CTTNBP2: variants seen among roughly 807,000 people sequenced by gnomAD.
CTTNBP2 encodes cortactin-binding protein 2.
Under a neutral mutation model 156.9 loss-of-function variants are expected in CTTNBP2, and 108 were observed. The observed-to-expected ratio is 0.69, with a 90% CI of 0.59 to 0.81. The LOEUF (loss-of-function observed/expected upper bound fraction) is 0.81. Among genes scored for constraint, CTTNBP2 ranks in the 30% least tolerant of loss-of-function variants. The pLI is 0.00. For synonymous variants in CTTNBP2, 767 were observed against 751.8 expected (o/e 1.02, Z -0.33); for missense variants, 1,924 against 2,035.4 (o/e 0.95, Z 1.05).
At chr7:117,740,365 TC>T (rs1324651292) in intron 14 of CTTNBP2, among the ~76,000 whole-genome samples, 1 of 152,120 alleles carries the variant, frequency 6.6e-6, no homozygotes, top group African/African-American at 2.4e-5. Context: ...CTGTGCCTGT[TC>T]CCTGGCTTTC....
intron 2 of CTTNBP2, among the ~76,000 whole-genome samples, chr7:117,817,639 T>C (rs1800697953): frequency 6.6e-6 from 1 of 151,830 alleles, no homozygotes; most frequent in African/African-American, 2.4e-5. Flanking sequence ...CTGTGAGTCA[T>C]AATTAAAACA....
intron 3 of CTTNBP2, among the ~76,000 whole-genome samples, chr7:117,806,514 A>C (rs143305021): frequency 0.019 from 2,899 of 152,294 alleles, 61 homozygotes; most frequent in Non-Finnish European, 0.023. Context: ...GGGCACTCCA[A>C]CCCATCTGCT....
intron 2 of CTTNBP2, among the ~76,000 whole-genome samples, chr7:117,817,671 A>C (rs1800699225): frequency 6.6e-6 from 1 of 152,002 alleles, no homozygotes; most frequent in African/African-American, 2.4e-5. Flanking sequence ...TACCAATTTC[A>C]AAACATACTG....
At chr7:117,758,675 G>A in intron 10 of CTTNBP2, among the ~76,000 whole-genome samples, 1 of 152,116 alleles carries the variant, frequency 6.6e-6, no homozygotes, top group East Asian at 1.9e-4. Flanking sequence ...ATGTAGCTTA[G>A]GTTATGAATC....
chr7:117,735,555 G>C, intron 14 of CTTNBP2, 134 bp from the exon 15 acceptor site: 1 of 724,234 alleles, frequency 1.4e-6, no homozygotes, highest in Non-Finnish European at 2.3e-6. Context: ...AAATTGCTTG[G>C]GGAGTGAACA....
chr7:117,754,169 C>G (rs1193524219), intron 12 of CTTNBP2, among the ~76,000 whole-genome samples: 2 of 152,180 alleles, frequency 1.3e-5, no homozygotes, highest in Admixed American at 1.3e-4. Context: ...GTCTGCGGTT[C>G]CCTGTACCTC....
intron 22 of CTTNBP2, among the ~76,000 whole-genome samples, chr7:117,716,430 C>T (rs1180957960): frequency 6.6e-6 from 1 of 152,078 alleles, no homozygotes; most frequent in African/African-American, 2.4e-5. Flanking sequence ...TGGCCCCTTC[C>T]ACTGACGATG....
chr7:117,802,447 A>C (rs540376052), intron 3 of CTTNBP2, among the ~76,000 whole-genome samples: 5 of 142,820 alleles, frequency 3.5e-5, no homozygotes, highest in South Asian at 4.5e-4. Flanking sequence ...CAAAAAAAAA[A>C]AAAAAAAAAA....
intron 2 of CTTNBP2, among the ~76,000 whole-genome samples, chr7:117,817,433 C>T (rs1185603922): frequency 7.2e-6 from 1 of 138,366 alleles, no homozygotes; most frequent in African/African-American, 2.7e-5. Flanking sequence ...TTGAGAATGT[C>T]GTAAGCAGGA....
intron 2 of CTTNBP2, among the ~76,000 whole-genome samples, chr7:117,846,954 G>A (rs1802621092): frequency 6.6e-6 from 1 of 152,100 alleles, no homozygotes; most frequent in African/African-American, 2.4e-5. Flanking sequence ...ATGTTTACCA[G>A]GAGTTACACT....
chr7:117,810,257 T>C (rs1800190989), intron 3 of CTTNBP2, among the ~76,000 whole-genome samples: 1 of 152,224 alleles, frequency 6.6e-6, no homozygotes, highest in Non-Finnish European at 1.5e-5. Flanking sequence ...ATTGTGAGAC[T>C]GGACATACCA....
chr7:117,751,755 A>G lies in CTTNBP2; in HGVS notation c.3348+4800T>C, dbSNP rs28647732. ...CAGGTCCCCATTTATTGATACAGACATAATAATTTGGGTATTACAGCTACT... is the reference window on the plus strand; with the variant it reads ...CAGGTCCCCATTTATTGATACAGACGTAATAATTTGGGTATTACAGCTACT... On this transcript the variant is annotated intron_variant, in intron 12 of 22. Coordinates refer to ENST00000160373, the MANE Select transcript of CTTNBP2 (RefSeq NM_033427.3). Among the ~76,000 whole-genome samples the G allele has an allele frequency of 9.2e-3, 1,396 of 152,336 alleles. 23 individuals carry two copies. The highest frequency in any genetic ancestry group is 0.031 in the African/African-American group (1,293 of 41,570).
chr7:117,783,739 T>C (rs1036089237), intron 5 of CTTNBP2, among the ~76,000 whole-genome samples: 2 of 152,222 alleles, frequency 1.3e-5, no homozygotes, highest in Non-Finnish European at 2.9e-5. Context: ...CCCATATGTT[T>C]TGGTATATTT....
At chr7:117,715,475 T>TAAAAAAAAAAAAAAAAAAA (rs398048025) in intron 22 of CTTNBP2, among the ~76,000 whole-genome samples, 7 of 116,390 alleles carry the variant, frequency 6.0e-5, no homozygotes, top group African/African-American at 2.8e-4. Context: ...GCCCTGAAGT[T>TAAAAAAAAAAAAAAAAAAA]AAAAAAAAAA....
At chr7:117,863,401 T>C (rs1400699345) in intron 1 of CTTNBP2, among the ~76,000 whole-genome samples, 1 of 152,232 alleles carries the variant, frequency 6.6e-6, no homozygotes, top group Non-Finnish European at 1.5e-5. Context: ...CAAGTCTCAG[T>C]TTCTGCTCCT....
chr7:117,728,140 T>G lies in CTTNBP2; in HGVS notation c.4004A>C (p.Lys1335Thr). The change falls in exon 17 of 23, where the codon AAA (lysine) becomes ACA (threonine). Residue 1335 changes from lysine (K) to threonine (T), a missense_variant. Lys to Thr is a moderately conservative substitution (Grantham distance 78). Coordinates refer to ENST00000160373, the MANE Select transcript of CTTNBP2 (RefSeq NM_033427.3). ...AACTACAGGACAAGACAGGAAATAT[T>G]TTGGTCCAAGAAGTGCTTCAGGTGT... ...LGTPEALLGPKYFLSCPVVPG... is the reference protein window; with the variant it reads ...LGTPEALLGPTYFLSCPVVPG... The G allele has an allele frequency of 5.0e-6, 8 of 1,614,114 alleles. No individual in the cohort carries two copies. Among genetic ancestry groups the G allele is most frequent in the Non-Finnish European group, 4.2e-6 (5 of 1,180,016 alleles).
intron 3 of CTTNBP2, among the ~76,000 whole-genome samples, chr7:117,798,609 T>C (rs753241082): frequency 8.5e-5 from 13 of 152,126 alleles, no homozygotes; most frequent in Non-Finnish European, 1.9e-4. Flanking sequence ...CTAAGGCCGA[T>C]ATGGCTTTAA....
At chr7:117,855,764 C>A (rs974746335) in intron 2 of CTTNBP2, among the ~76,000 whole-genome samples, 2 of 152,196 alleles carry the variant, frequency 1.3e-5, no homozygotes, top group Non-Finnish European at 2.9e-5. Context: ...TCATTCTAGG[C>A]AAACTCAACA....
chr7:117,850,796 T>C (rs1027410642), intron 2 of CTTNBP2, among the ~76,000 whole-genome samples: 1 of 152,228 alleles, frequency 6.6e-6, no homozygotes, highest in Non-Finnish European at 1.5e-5. Context: ...GTCACACTTA[T>C]CACAAATGCA....
Sources: allele counts gnomAD v4.1 joint callset (sites outside exome capture counted in the v4.1 genomes callset), GRCh38; gene constraint gnomAD v4.1.1; transcripts MANE v1.5; gene names NCBI Gene and HGNC (gene_info 2026-07-23, HGNC 2026-07-21).